The following IMMP2L variants were observed in gnomAD, a reference collection of about 807,000 sequenced individuals.
IMMP2L encodes inner mitochondrial membrane peptidase subunit 2, also known as mitochondrial inner membrane protease subunit 2.
Under a neutral mutation model 19.3 loss-of-function variants are expected in IMMP2L, and 18 were observed. The observed-to-expected ratio is 0.93, with a 90% CI of 0.64 to 1.38. The LOEUF is 1.38. Among genes scored for constraint, IMMP2L ranks in the 40% most tolerant of loss-of-function variants. The pLI is 0.00. For synonymous variants in IMMP2L, 76 were observed against 73.0 expected (o/e 1.04, Z -0.21); for missense variants, 233 against 218.2 (o/e 1.07, Z -0.43).
intron 5 of IMMP2L, among the ~76,000 whole-genome samples, chr7:110,670,378 A>G (rs1791807454): frequency 1.3e-5 from 2 of 152,190 alleles, no homozygotes; most frequent in African/African-American, 4.8e-5. Context: ...TAGCAAGCTA[A>G]TACACACATG....
At chr7:111,409,316 T>A (rs1834167595) in intron 3 of IMMP2L, among the ~76,000 whole-genome samples, 1 of 151,612 alleles carries the variant, frequency 6.6e-6, no homozygotes, top group East Asian at 1.9e-4. Flanking sequence ...AATATGGTTA[T>A]CAGCCCACAG....
chr7:111,279,323 G>A (rs190212086), intron 3 of IMMP2L, among the ~76,000 whole-genome samples: 75 of 152,242 alleles, frequency 4.9e-4, no homozygotes, highest in Non-Finnish European at 7.9e-4. Flanking sequence ...CCAACTTCCA[G>A]AAACTGTAAA....
chr7:111,062,093 A>C (rs1360964019), intron 3 of IMMP2L, among the ~76,000 whole-genome samples: 1 of 152,032 alleles, frequency 6.6e-6, no homozygotes, highest in African/African-American at 2.4e-5. Context: ...GAGCTCTTCT[A>C]TTTTGTACAT....
intron 3 of IMMP2L, among the ~76,000 whole-genome samples, chr7:111,254,899 CTCTTT>C (rs1816539043): frequency 6.6e-6 from 1 of 152,116 alleles, no homozygotes; most frequent in Admixed American, 6.6e-5. Flanking sequence ...AAATCTTCAG[CTCTTT>C]ATCAACATTA....
chr7:111,104,745 A>C (rs1798355876), intron 3 of IMMP2L, among the ~76,000 whole-genome samples: 1 of 151,856 alleles, frequency 6.6e-6, no homozygotes, highest in South Asian at 2.1e-4. Flanking sequence ...ATGTATTCAC[A>C]ATAAGCTGTA....
intron 3 of IMMP2L, among the ~76,000 whole-genome samples, chr7:110,974,259 C>G (rs1171345379): frequency 6.6e-6 from 1 of 152,054 alleles, no homozygotes; most frequent in Non-Finnish European, 1.5e-5. Context: ...TTCACTCTAA[C>G]ATGGGAGCTT....
chr7:111,290,917 A>T (rs547508261), intron 3 of IMMP2L, among the ~76,000 whole-genome samples: 48 of 151,936 alleles, frequency 3.2e-4, no homozygotes, highest in Non-Finnish European at 1.2e-4. Flanking sequence ...CCAAAACAGT[A>T]GAGATTTTTG....
intron 3 of IMMP2L, among the ~76,000 whole-genome samples, chr7:111,430,515 A>G (rs1192253275): frequency 6.6e-6 from 1 of 151,766 alleles, no homozygotes; most frequent in African/African-American, 2.4e-5. Context: ...CTAAAAAGAG[A>G]TAAATAATTA....
rs200836792 is a variant in IMMP2L at position 110,886,666 on chromosome 7, T to A, written c.335A>T (p.Lys112Ile). 2 of 1,603,178 alleles carry A rather than the reference T, an allele frequency of 1.2e-6. No homozygotes were observed. Among genetic ancestry groups the A allele is most frequent in the Non-Finnish European group, 1.7e-6 (2 of 1,170,302 alleles). Residue 112 changes from lysine to isoleucine, a missense_variant, in exon 5 of 6, where the codon AAA (lysine) becomes ATA (isoleucine). Coordinates refer to ENST00000405709, the MANE Select transcript of IMMP2L (RefSeq NM_032549.4). ...RTIGHKNRYV[K>I]VPRGHIWVEG... ...AACCCAGATGTGACCACGGGGGACT[T>A]TGACATACCGGTTTTTGTGTCCTAT...
Position 111,176,931 on chromosome 7 carries a change from T to C in IMMP2L, c.240-213366A>G, listed in dbSNP as rs145763835. Reference sequence around the variant, plus strand: ...ATGTAGTATAAGAAAGAAAGGAAAATCTGTGTCCCTTAATACCTTTCTTTC... The same window carrying C: ...ATGTAGTATAAGAAAGAAAGGAAAACCTGTGTCCCTTAATACCTTTCTTTC... On this transcript the variant is annotated intron_variant, in intron 3 of 5. Coordinates refer to ENST00000405709, the MANE Select transcript of IMMP2L (RefSeq NM_032549.4). 3.0e-4 allele frequency among the ~76,000 whole-genome samples: 46 copies of C among 152,054 alleles called. No homozygotes were observed. The East Asian group carries it at 7.8e-3, about 26-fold the overall frequency.
In IMMP2L at chr7:111,458,116, C is replaced by T. The variant is rs975181448; in HGVS notation, c.239+29122G>A. Among the ~76,000 whole-genome samples the T allele has an allele frequency of 3.9e-5, 6 of 152,206 alleles. 1 individual carries two copies. Among genetic ancestry groups the T allele is most frequent in the East Asian group, 3.9e-4 (2 of 5,180 alleles). On this transcript the variant is annotated intron_variant, in intron 3 of 5. Transcript: ENST00000405709. The stretch of plus-strand genomic sequence containing the variant: ...GAATGCACCAGGGCACGGTGGTTCA[C>T]GCCTGTAATCCCAGCACTCTGGGAG...
At chr7:110,772,316 C>T (rs140394069) in intron 5 of IMMP2L, among the ~76,000 whole-genome samples, 15 of 152,218 alleles carry the variant, frequency 9.9e-5, no homozygotes, top group East Asian at 5.8e-4. Context: ...GTACAACCAT[C>T]GGCCTTCTTG....
At chr7:110,899,041 A>T (rs1249377301) in intron 4 of IMMP2L, among the ~76,000 whole-genome samples, 1 of 151,972 alleles carries the variant, frequency 6.6e-6, no homozygotes, top group South Asian at 2.1e-4. Context: ...TAGAGCTTGT[A>T]ATTTTATTTT....
chr7:111,445,498 T>A (rs990826349), intron 3 of IMMP2L, among the ~76,000 whole-genome samples: 1 of 151,984 alleles, frequency 6.6e-6, no homozygotes, highest in African/African-American at 2.4e-5. Flanking sequence ...TGATGAATAA[T>A]AAAGAAGTAT....
chr7:111,256,362 T>C (rs542245710), intron 3 of IMMP2L, among the ~76,000 whole-genome samples: 12 of 152,192 alleles, frequency 7.9e-5, no homozygotes, highest in African/African-American at 2.4e-4. Context: ...ATTTGAAAAA[T>C]AATGTTTAAA....
At chr7:111,413,564 A>G (rs1003919088) in intron 3 of IMMP2L, among the ~76,000 whole-genome samples, 3 of 152,260 alleles carry the variant, frequency 2.0e-5, no homozygotes, top group Non-Finnish European at 4.4e-5. Context: ...AAATCCAATC[A>G]ATGTAATTTA....
chr7:111,381,665 GA>G (rs1831217676), intron 3 of IMMP2L, among the ~76,000 whole-genome samples: 1 of 151,810 alleles, frequency 6.6e-6, no homozygotes, highest in African/African-American at 2.4e-5. Context: ...AGAATATTAA[GA>G]ATGGAGAAGA....
intron 3 of IMMP2L, among the ~76,000 whole-genome samples, chr7:111,290,173 A>G (rs1392047981): frequency 6.6e-6 from 1 of 152,110 alleles, no homozygotes; most frequent in East Asian, 1.9e-4. Flanking sequence ...TTTGTTTTAT[A>G]AGAGTTTTTC....
chr7:111,336,379 A>G (rs1162720521), intron 3 of IMMP2L, among the ~76,000 whole-genome samples: 1 of 151,940 alleles, frequency 6.6e-6, no homozygotes, highest in Non-Finnish European at 1.5e-5. Flanking sequence ...TGGAAGATAA[A>G]GAAATAAAAA....
Sources: allele counts gnomAD v4.1 joint callset (sites outside exome capture counted in the v4.1 genomes callset), GRCh38; gene constraint gnomAD v4.1.1; transcripts MANE v1.5; gene names NCBI Gene and HGNC (gene_info 2026-07-23, HGNC 2026-07-21).